Variants in UNC13C observed in about 807,000 individuals in gnomAD.
UNC13C encodes unc-13 homolog C.
A neutral mutation model predicts 245.4 loss-of-function variants in UNC13C; 174 were observed. That is an observed-to-expected ratio of 0.71 (90% confidence interval 0.63 to 0.80). The LOEUF (loss-of-function observed/expected upper bound fraction) is 0.80, where lower values mean the gene tolerates loss of function less well. Among genes scored for constraint, UNC13C ranks in the 30% least tolerant of loss-of-function variants. The pLI is 0.00. For missense variants in UNC13C, 2,829 were observed against 2,602.9 expected (o/e 1.09, Z -1.89); for synonymous variants, 992 against 895.1 (o/e 1.11, Z -1.93).
intron 2 of UNC13C, among the ~76,000 whole-genome samples, chr15:54,064,500 C>T (rs1451323097): frequency 6.6e-6 from 1 of 152,144 alleles, no homozygotes; most frequent in Non-Finnish European, 1.5e-5. Context: ...CAGTTTCATT[C>T]AATATGCACG....
intron 26 of UNC13C, among the ~76,000 whole-genome samples, chr15:54,543,837 T>C (rs1003773633): frequency 6.6e-6 from 1 of 152,102 alleles, no homozygotes; most frequent in South Asian, 2.1e-4. Context: ...CAGGACCAGA[T>C]AGATTCACAG....
At chr15:54,480,169 G>T (rs1286850636) in intron 19 of UNC13C, among the ~76,000 whole-genome samples, 1 of 152,008 alleles carries the variant, frequency 6.6e-6, no homozygotes, top group African/African-American at 2.4e-5. Context: ...GATTGAATCT[G>T]TTGGAAGATC....
the UNC13C span, among the ~76,000 whole-genome samples, chr15:53,840,250 A>C: frequency 6.6e-6 from 1 of 152,186 alleles, no homozygotes; most frequent in Non-Finnish European, 1.5e-5. Flanking sequence ...CTATGAGAAA[A>C]TGTCTTGAAG....
At chr15:54,264,850 T>G (rs1394514023) in intron 9 of UNC13C, among the ~76,000 whole-genome samples, 1 of 151,942 alleles carries the variant, frequency 6.6e-6, no homozygotes, top group African/African-American at 2.4e-5. Flanking sequence ...TGAAGTTGCT[T>G]GTAATGTCAA....
chr15:53,962,186 T>A, the UNC13C span, among the ~76,000 whole-genome samples: 1 of 152,298 alleles, frequency 6.6e-6, no homozygotes, highest in East Asian at 1.9e-4. Flanking sequence ...GTTTAAACTC[T>A]ACTGCCTATT....
At chr15:54,614,394 T>C (rs1900294223) in intron 30 of UNC13C, among the ~76,000 whole-genome samples, 1 of 151,900 alleles carries the variant, frequency 6.6e-6, no homozygotes, top group Non-Finnish European at 1.5e-5. Context: ...TTGAATCTCT[T>C]TGAATCTTTT....
At chr15:54,023,940 A>G (rs1006145523) in intron 2 of UNC13C, among the ~76,000 whole-genome samples, 1 of 152,184 alleles carries the variant, frequency 6.6e-6, no homozygotes, top group Admixed American at 6.5e-5. Flanking sequence ...CATTCATGTT[A>G]TTTCTTCAAG....
the UNC13C span, among the ~76,000 whole-genome samples, chr15:53,934,976 G>A: frequency 1.3e-5 from 2 of 152,130 alleles, no homozygotes; most frequent in African/African-American, 4.8e-5. Context: ...GGGACATAAA[G>A]ATTCATTCCC....
intron 2 of UNC13C, among the ~76,000 whole-genome samples, chr15:54,062,687 T>A (rs138042159): frequency 3.2e-4 from 48 of 152,282 alleles, no homozygotes; most frequent in Middle Eastern, 3.4e-3. Flanking sequence ...GGGAGCTTGA[T>A]AGTCATGCAA....
intron 19 of UNC13C, among the ~76,000 whole-genome samples, chr15:54,432,116 A>C (rs1048430839): frequency 3.3e-5 from 5 of 151,630 alleles, no homozygotes; most frequent in African/African-American, 9.7e-5. Flanking sequence ...TTAATAAGCT[A>C]ATATTTAAAT....
chr15:53,911,310 T>G, the UNC13C span: 1 of 152,324 alleles, frequency 6.6e-6, no homozygotes, highest in East Asian at 1.9e-4. Context: ...AGCCCGGCCT[T>G]GAGCCCATCC....
intron 1 of UNC13C, among the ~76,000 whole-genome samples, chr15:53,982,050 A>G (rs1455115490): frequency 6.6e-6 from 1 of 152,168 alleles, no homozygotes; most frequent in Non-Finnish European, 1.5e-5. Context: ...GAAAGATAGG[A>G]ACTCAACATT....
At position 54,122,657 on chromosome 15, in the gene UNC13C, A is replaced by T. The variant is rs537857769; in HGVS notation, c.2984-20361A>T. On this transcript the variant is annotated intron_variant, in intron 2 of 32. Transcript: ENST00000260323. Reference sequence around the variant, plus strand: ...GTCAATTATCTTTGCTGTGAAGGCAACTGCTGATCTGATTTTCATCAAGAT... The same window carrying T: ...GTCAATTATCTTTGCTGTGAAGGCATCTGCTGATCTGATTTTCATCAAGAT... 1.9e-4 allele frequency among the ~76,000 whole-genome samples: 29 copies of T among 152,162 alleles called. 1 individual carries two copies. Among genetic ancestry groups the T allele is most frequent in the African/African-American group, 7.0e-4 (29 of 41,554 alleles).
At chr15:54,311,641 G>T (rs1314788409) in intron 13 of UNC13C, among the ~76,000 whole-genome samples, 2 of 151,348 alleles carry the variant, frequency 1.3e-5, no homozygotes, top group Admixed American at 1.3e-4. Context: ...TAAAATTCTT[G>T]ATATATTTTA....
the UNC13C span, chr15:53,955,841 G>T: frequency 6.6e-6 from 1 of 152,110 alleles, no homozygotes; most frequent in African/African-American, 2.4e-5. Context: ...ACTGAGGAAA[G>T]AAAATAAATT....
chr15:54,275,613 T>C (rs2036811532), intron 10 of UNC13C, among the ~76,000 whole-genome samples: 1 of 152,132 alleles, frequency 6.6e-6, no homozygotes, highest in Non-Finnish European at 1.5e-5. Context: ...TCACATACAA[T>C]ATGAGAAAGT....
intron 13 of UNC13C, among the ~76,000 whole-genome samples, chr15:54,320,417 A>C (rs2038120690): frequency 6.6e-6 from 1 of 151,320 alleles, no homozygotes; most frequent in Middle Eastern, 3.4e-3. Context: ...TTTATTCCGC[A>C]TCATGATCAA....
rs1315907069 is a variant in UNC13C at position 54,627,443 on chromosome 15, AAATGAGATT to A, written c.*332_*340del. The A allele has an allele frequency of 2.1e-5, 4 of 188,292 alleles. No homozygotes were observed. In the East Asian group the frequency reaches 5.1e-4, roughly 24 times the overall value. The allele number at this position is 188,292 out of a possible 1,614,324, so 11.7% of individuals were successfully genotyped here. A position where few individuals can be genotyped will look rare whatever the true frequency, so the allele number is the denominator to read the frequency against. On this transcript the variant is annotated 3_prime_UTR_variant, in exon 33 of 33. Transcript: ENST00000260323. ...AGTTTGCCCATCAGTTGTCTTTGTT[AAATGAGATT>A]ATATTGCCCATAGATCAGAAAACAT...
chr15:54,336,110 A>G (rs150730446), intron 16 of UNC13C, among the ~76,000 whole-genome samples: 16 of 152,178 alleles, frequency 1.1e-4, no homozygotes, highest in African/African-American at 3.6e-4. Context: ...ATTTTTACCC[A>G]TATTTATTAG....
Sources: gnomAD v4.1 joint callset for allele counts (sites outside exome capture counted in the v4.1 genomes callset) on GRCh38, gnomAD v4.1.1 for gene constraint, MANE v1.5 for transcripts, NCBI Gene and HGNC (gene_info 2026-07-23, HGNC 2026-07-21) for gene names.